Variants in PTPN4 observed in about 807,000 individuals in gnomAD.
PTPN4 encodes the protein tyrosine-protein phosphatase non-receptor type 4.
Under a neutral mutation model 135.5 loss-of-function variants are expected in PTPN4, and 49 were observed. The observed-to-expected ratio is 0.36, with a 90% CI of 0.29 to 0.46. The LOEUF is 0.46. PTPN4 is among the 20% of genes least tolerant of loss of function. PTPN4 has a pLI of 1.00. For synonymous variants in PTPN4, 333 were observed against 369.9 expected (o/e 0.90, Z 1.14); for missense variants, 860 against 1,101.0 (o/e 0.78, Z 3.10).
chr2:119,972,255 G>A (rs1425969226), intron 26 of PTPN4, among the ~76,000 whole-genome samples: 1 of 151,744 alleles, frequency 6.6e-6, no homozygotes, highest in Non-Finnish European at 1.5e-5. Flanking sequence ...TGTCATAATA[G>A]TGATATCACA....
At chr2:119,930,305 A>G (rs1678886265) in intron 13 of PTPN4, among the ~76,000 whole-genome samples, 1 of 152,150 alleles carries the variant, frequency 6.6e-6, no homozygotes. Context: ...GATTAAGGAA[A>G]TGTCATTAGG....
intron 1 of PTPN4, among the ~76,000 whole-genome samples, chr2:119,785,653 T>G (rs1691033156): frequency 6.6e-6 from 1 of 152,100 alleles, no homozygotes; most frequent in South Asian, 2.1e-4. Flanking sequence ...ACAGAAAAAT[T>G]AAAAGAATGA....
intron 2 of PTPN4, among the ~76,000 whole-genome samples, chr2:119,853,973 A>G (rs1382366169): frequency 1.3e-5 from 2 of 152,166 alleles, no homozygotes; most frequent in Non-Finnish European, 2.9e-5. Flanking sequence ...CCCCATAGAG[A>G]GACAGAGGGA....
intron 1 of PTPN4, among the ~76,000 whole-genome samples, chr2:119,760,802 A>C (rs1690476000): frequency 9.3e-6 from 1 of 107,244 alleles, no homozygotes; most frequent in Non-Finnish European, 1.7e-5. Context: ...AACTATTCCT[A>C]CCATTGAAGT....
At chr2:119,902,412 T>C (rs1465753087) in intron 10 of PTPN4, among the ~76,000 whole-genome samples, 1 of 152,148 alleles carries the variant, frequency 6.6e-6, no homozygotes, top group Non-Finnish European at 1.5e-5. Context: ...AGACCTGCCT[T>C]GTGAGAAATG....
chr2:119,935,896 C>G (rs982230738), intron 15 of PTPN4, among the ~76,000 whole-genome samples: 1 of 152,072 alleles, frequency 6.6e-6, no homozygotes, highest in African/African-American at 2.4e-5. Context: ...CTAATTATTA[C>G]AAACCAAAAC....
At chr2:119,803,524 G>A (rs1691411003) in intron 1 of PTPN4, among the ~76,000 whole-genome samples, 1 of 152,128 alleles carries the variant, frequency 6.6e-6, no homozygotes, top group African/African-American at 2.4e-5. Flanking sequence ...ATTGTTCTCA[G>A]AATACATTTT....
chr2:119,905,957 G>A (rs1292411723), intron 10 of PTPN4, among the ~76,000 whole-genome samples: 1 of 152,084 alleles, frequency 6.6e-6, no homozygotes. Context: ...TACAGCAATA[G>A]CATTGCTAAG....
intron 9 of PTPN4, among the ~76,000 whole-genome samples, chr2:119,886,848 T>C (rs1445177577): frequency 6.6e-6 from 1 of 152,220 alleles, no homozygotes; most frequent in East Asian, 1.9e-4. Flanking sequence ...AAAGCTTATG[T>C]CAATCTTTCC....
intron 2 of PTPN4, among the ~76,000 whole-genome samples, chr2:119,844,428 T>C (rs1350865673): frequency 5.7e-5 from 8 of 139,904 alleles, no homozygotes; most frequent in Admixed American, 1.4e-4. Flanking sequence ...GGGTGGCTGC[T>C]GGGCGGAGAG....
Position 119,824,281 on chromosome 2 carries a change from G to T in PTPN4, c.138+14290G>T, listed in dbSNP as rs543345720. Among the ~76,000 whole-genome samples, 7 of 152,078 alleles carry T rather than the reference G, an allele frequency of 4.6e-5. No homozygotes were observed. In the East Asian group the frequency reaches 9.6e-4, roughly 21 times the overall value. On this transcript the variant is annotated intron_variant, in intron 2 of 26. Transcript: ENST00000263708. ...AAAGGATGTCTGTTCTACTCTTTTT[G>T]GGGGGGAGGCAGGGCGGTGGAAAGG...
At chr2:119,956,164 C>T (rs1360839662) in intron 20 of PTPN4, among the ~76,000 whole-genome samples, 2 of 151,378 alleles carry the variant, frequency 1.3e-5, no homozygotes, top group African/African-American at 4.9e-5. Context: ...TTTTGACCCA[C>T]GATCACCCAG....
intron 26 of PTPN4, among the ~76,000 whole-genome samples, chr2:119,969,028 G>C (rs1046531931): frequency 3.3e-5 from 5 of 151,910 alleles, no homozygotes; most frequent in African/African-American, 1.2e-4. Flanking sequence ...TAATTTTTTT[G>C]TTTTTGTTTT....
At chr2:119,795,524 A>G (rs1488071130) in intron 1 of PTPN4, among the ~76,000 whole-genome samples, 1 of 152,174 alleles carries the variant, frequency 6.6e-6, no homozygotes, top group Non-Finnish European at 1.5e-5. Flanking sequence ...GTGTGTGCAT[A>G]CCTGGCTGGG....
chr2:119,865,044 T>C (rs1274631059), intron 3 of PTPN4, among the ~76,000 whole-genome samples: 1 of 152,162 alleles, frequency 6.6e-6, no homozygotes, highest in Admixed American at 6.6e-5. Flanking sequence ...GACCTGGATC[T>C]CCTAACTCCC....
At chr2:119,898,988 C>T (rs1678365489) in intron 9 of PTPN4, among the ~76,000 whole-genome samples, 1 of 152,050 alleles carries the variant, frequency 6.6e-6, no homozygotes, top group Admixed American at 6.5e-5. Flanking sequence ...TGGTTATGTA[C>T]TGTCTTTTGT....
intron 22 of PTPN4, among the ~76,000 whole-genome samples, chr2:119,959,457 G>C (rs1172974827): frequency 6.6e-6 from 1 of 152,178 alleles, no homozygotes; most frequent in Non-Finnish European, 1.5e-5. Flanking sequence ...ATATACTATG[G>C]GGCCAGGCGC....
chr2:119,878,008 A>G (rs926947328), intron 5 of PTPN4, among the ~76,000 whole-genome samples: 4 of 152,042 alleles, frequency 2.6e-5, no homozygotes, highest in Non-Finnish European at 4.4e-5. Context: ...TTTGTCCCCT[A>G]TGTGTTTTTA....
chr2:119,867,032 T>C (rs1677843518), intron 3 of PTPN4, among the ~76,000 whole-genome samples: 1 of 152,106 alleles, frequency 6.6e-6, no homozygotes, highest in African/African-American at 2.4e-5. Context: ...CAGGAGCATA[T>C]GCAGAGATCA....
Sources: allele counts gnomAD v4.1 joint callset (sites outside exome capture counted in the v4.1 genomes callset), GRCh38; gene constraint gnomAD v4.1.1; transcripts MANE v1.5; gene names NCBI Gene and HGNC (gene_info 2026-07-23, HGNC 2026-07-21).